LAMB1: variants seen among roughly 807,000 people sequenced by gnomAD.
LAMB1 encodes the protein laminin subunit beta-1.
LAMB1 carries 121 observed loss-of-function variants against 222.3 expected under a neutral mutation model. The observed-to-expected ratio is 0.54, with a 90% CI of 0.47 to 0.63. LAMB1 has a LOEUF of 0.63. Among genes scored for constraint, LAMB1 ranks in the 30% least tolerant of loss-of-function variants. The pLI is 0.00. For missense variants in LAMB1, 2,172 were observed against 2,240.8 expected (o/e 0.97, Z 0.62); for synonymous variants, 794 against 807.2 (o/e 0.98, Z 0.28).
rs771286782 is a variant in LAMB1 at position 107,961,330 on chromosome 7, C to G, written c.1986-1G>C. The G allele has an allele frequency of 6.2e-7, 1 of 1,612,446 alleles. No homozygotes were observed. Among genetic ancestry groups the G allele is most frequent in the South Asian group, 1.1e-5 (1 of 90,574 alleles). ...CACCGGCCGAGGAAGGACGACATATCTGCCCCCAAACAAAAAAGAAAGACA... is the reference window on the plus strand; with the variant it reads ...CACCGGCCGAGGAAGGACGACATATGTGCCCCCAAACAAAAAAGAAAGACA... On this transcript the variant is annotated splice_acceptor_variant, in intron 16 of 33. Coordinates refer to ENST00000222399, the MANE Select transcript of LAMB1 (RefSeq NM_002291.3). LOFTEE classifies it high-confidence loss of function.
At chr7:107,935,094 AGG>A (rs2032808905) in intron 27 of LAMB1, among the ~76,000 whole-genome samples, 1 of 151,990 alleles carries the variant, frequency 6.6e-6, no homozygotes, top group Non-Finnish European at 1.5e-5. Flanking sequence ...CAGTGTAAAA[AGG>A]ATCAAGTTTC....
intron 24 of LAMB1, among the ~76,000 whole-genome samples, chr7:107,949,321 T>C (rs1283617348): frequency 6.6e-6 from 1 of 152,232 alleles, no homozygotes; most frequent in South Asian, 2.1e-4. Flanking sequence ...CCTTTCCTGC[T>C]AACAAAGCTA....
intron 7 of LAMB1, among the ~76,000 whole-genome samples, chr7:107,981,721 G>A (rs1374867614): frequency 2.0e-5 from 3 of 152,164 alleles, no homozygotes; most frequent in Non-Finnish European, 4.4e-5. Context: ...GTTTCAACAT[G>A]AGAAAATTCC....
chr7:107,972,122 C>G (rs2033759549), intron 13 of LAMB1, among the ~76,000 whole-genome samples: 1 of 152,236 alleles, frequency 6.6e-6, no homozygotes, highest in South Asian at 2.1e-4. Context: ...TCAGAGGCTA[C>G]ATGCTGTACT....
rs199766322 is a variant in LAMB1 at position 107,959,405 on chromosome 7, C to T, written c.2534G>A (p.Gly845Glu). The T allele has an allele frequency of 6.1e-5, 99 of 1,614,260 alleles. No individual in the cohort carries two copies. The highest frequency in any genetic ancestry group is 8.2e-5 in the Non-Finnish European group (97 of 1,180,044). The change falls in exon 20 of 34, where the codon GGA becomes GAA. Residue 845 changes from glycine (G) to glutamate (E), a missense_variant. Physicochemically the swap from Gly to Glu is moderately conservative, Grantham distance 98. Coordinates refer to ENST00000222399, the MANE Select transcript of LAMB1 (RefSeq NM_002291.3). The part of the protein sequence containing the change: ...PVTGQCHCFQ[G>E]VYARQCDRCL... ...CCGATCACACTGCCGAGCATACACTCCCTGGAAACAGTGGCACTGGCCAGT... is the reference window on the plus strand; with the variant it reads ...CCGATCACACTGCCGAGCATACACTTCCTGGAAACAGTGGCACTGGCCAGT...
rs774447066 is a variant in LAMB1 at position 107,941,822 on chromosome 7, CTTTTTTTTTTTTTTT to C, written c.3392-1479_3392-1465del. Among the ~76,000 whole-genome samples the C allele has an allele frequency of 2.8e-4, 9 of 31,884 alleles. 1 individual carries two copies. The highest frequency in any genetic ancestry group is 1.0e-3 in the African/African-American group (7 of 6,956). 20.9% of individuals were successfully genotyped at this position (31,884 alleles called of 152,430 possible). A position where few individuals can be genotyped will look rare whatever the true frequency, so the allele number is the denominator to read the frequency against. On this transcript the variant is annotated intron_variant, in intron 24 of 33. Coordinates refer to ENST00000222399, the MANE Select transcript of LAMB1 (RefSeq NM_002291.3). ...TACAGGCATGCGCCACCACACCCGG[CTTTTTTTTTTTTTTT>C]TTTTTTTTTTTTTTTTTTTTTAAGA...
chr7:107,972,821 GC>G (rs2033775539), intron 13 of LAMB1, among the ~76,000 whole-genome samples, 170 bp downstream of exon 13: 1 of 152,110 alleles, frequency 6.6e-6, no homozygotes. Flanking sequence ...CTTTGACTTA[GC>G]AGTTCCATCA....
intron 24 of LAMB1, among the ~76,000 whole-genome samples, chr7:107,943,437 A>C (rs1452407811): frequency 6.6e-6 from 1 of 152,180 alleles, no homozygotes; most frequent in African/African-American, 2.4e-5. Flanking sequence ...AAATAACTTA[A>C]ATAACTTAGT....
intron 12 of LAMB1, 62 bp downstream of exon 12, chr7:107,974,924 T>TTC: frequency 1.1e-6 from 1 of 948,092 alleles, no homozygotes. Context: ...GCGAAAAGGC[T>TTC]TCTCTATTAA....
At chr7:107,928,954 T>A in intron 31 of LAMB1, 110 bp downstream of exon 31, 1 of 1,030,372 alleles carries the variant, frequency 9.7e-7, no homozygotes, top group Non-Finnish European at 1.5e-6. Context: ...ATTAAAGGAA[T>A]CCTTTAATGT....
intron 5 of LAMB1, 97 bp from the exon 6 acceptor site, chr7:107,986,460 A>C: frequency 1.1e-6 from 1 of 943,856 alleles, no homozygotes; most frequent in Non-Finnish European, 1.6e-6. Context: ...GCATGCCACA[A>C]ACTTGAACTG....
At chr7:108,001,833 G>A (rs1215300194) in intron 2 of LAMB1, 100 bp from the exon 3 acceptor site, 3 of 1,544,436 alleles carry the variant, frequency 1.9e-6, no homozygotes, top group East Asian at 2.4e-5. Context: ...GCGGAGAGAG[G>A]ACAGTCCATT....
intron 7 of LAMB1, among the ~76,000 whole-genome samples, chr7:107,981,213 G>A (rs897735927): frequency 3.3e-5 from 5 of 152,198 alleles, no homozygotes; most frequent in Admixed American, 6.5e-5. Context: ...TTGGGAGGCC[G>A]AGGTGGGCGG....
At chr7:107,948,388 A>G (rs568722189) in intron 24 of LAMB1, among the ~76,000 whole-genome samples, 1 of 152,328 alleles carries the variant, frequency 6.6e-6, no homozygotes, top group East Asian at 1.9e-4. Flanking sequence ...TCTTCCATGA[A>G]AAAAACAAAA....
intron 4 of LAMB1, 117 bp from the exon 5 acceptor site, chr7:107,995,077 A>T: frequency 1.7e-6 from 1 of 601,984 alleles, no homozygotes; most frequent in Non-Finnish European, 2.9e-6. Context: ...TTATCCTCGC[A>T]TTCTACCTTA....
At chr7:107,950,641 T>C (rs886065071) in intron 24 of LAMB1, among the ~76,000 whole-genome samples, 3 of 152,188 alleles carry the variant, frequency 2.0e-5, no homozygotes, top group African/African-American at 7.2e-5. Flanking sequence ...TTGGAGCCCT[T>C]TGTTGTGCAC....
At chr7:107,938,101 G>A (rs770688570) in intron 25 of LAMB1, among the ~76,000 whole-genome samples, 1 of 152,070 alleles carries the variant, frequency 6.6e-6, no homozygotes, top group Non-Finnish European at 1.5e-5. Flanking sequence ...TTTACCTCTG[G>A]GTATTACTGG....
intron 26 of LAMB1, among the ~76,000 whole-genome samples, chr7:107,936,104 A>C (rs1190474513): frequency 6.6e-6 from 1 of 152,254 alleles, no homozygotes; most frequent in Non-Finnish European, 1.5e-5. Context: ...AAATGGTTGT[A>C]TCTGTACTGA....
In LAMB1 at chr7:107,935,579, G is replaced by C; in HGVS notation, c.4024C>G (p.Pro1342Ala). ...EERVNASTTE[P>A]NSTVEQSALM... ...GCTGACTGCTCCACAGTGCTGTTGG[G>C]TTCTGTGGTGGAGGCATTCACCCTC... The change falls in exon 27 of 34, where the codon CCC becomes GCC. Residue 1342 changes from proline to alanine, a missense_variant. Pro to Ala is a conservative substitution (Grantham distance 27). Coordinates refer to ENST00000222399, the MANE Select transcript of LAMB1 (RefSeq NM_002291.3). 6.2e-7 allele frequency: 1 copy of C among 1,613,866 alleles called. No individual in the cohort carries two copies. Among genetic ancestry groups the C allele is most frequent in the Non-Finnish European group, 8.5e-7 (1 of 1,179,984 alleles).
Sources: allele counts gnomAD v4.1 joint callset (sites outside exome capture counted in the v4.1 genomes callset), GRCh38; gene constraint gnomAD v4.1.1; transcripts MANE v1.5; gene names NCBI Gene and HGNC (gene_info 2026-07-23, HGNC 2026-07-21).